The following TRPM3 variants were observed in gnomAD, a reference collection of about 807,000 sequenced individuals.
The protein encoded by TRPM3 is long transient receptor potential channel 3.
In TRPM3, 77 loss-of-function variants were observed where a neutral mutation model predicts 181.2. The observed-to-expected ratio is 0.42, with a 90% CI of 0.35 to 0.51. TRPM3 has a LOEUF of 0.51. TRPM3 is among the 20% of genes least tolerant of loss of function. The pLI is 0.01. For missense variants in TRPM3, 1,759 were observed against 2,196.7 expected, an observed-to-expected ratio of 0.80 and a Z score of 3.98; for synonymous variants, 745 against 796.4, an observed-to-expected ratio of 0.94 and a Z score of 1.09.
chr9:71,302,430 G>A lies in TRPM3; in HGVS notation c.183+144223C>T, dbSNP rs575289869. ...GAGCAATACTGAACAAAACAAATAC[G>A]CAAGATCTGCAATGCATGAGCTTAA... On this transcript the variant is annotated intron_variant, in intron 1 of 24. Transcript: ENST00000357533. 3.3e-4 allele frequency among the ~76,000 whole-genome samples: 50 copies of A among 152,204 alleles called. 1 individual carries two copies. The highest frequency in any genetic ancestry group is 1.7e-3 in the East Asian group (9 of 5,192).
In TRPM3 at chr9:70,532,393, C is replaced by G. The variant is rs1330123655; in HGVS notation, c.*3560G>C. ...ATATATATTTTAAAAGGGGAACTTT[C>G]AAAGTGCTAAATAATATCCTAGACC... On this transcript the variant is annotated 3_prime_UTR_variant, in exon 26 of 26. Transcript: ENST00000677713. 4 of 152,062 alleles carry G rather than the reference C, an allele frequency of 2.6e-5. No individual in the cohort carries two copies. The highest frequency in any genetic ancestry group is 5.9e-5 in the Non-Finnish European group (4 of 68,004). The allele number at this position is 152,062 out of a possible 1,614,324, so 9.4% of individuals were successfully genotyped here.
intron 1 of TRPM3, among the ~76,000 whole-genome samples, chr9:71,376,208 AT>A (rs2092661803): frequency 6.6e-6 from 1 of 151,954 alleles, no homozygotes; most frequent in South Asian, 2.1e-4. Context: ...ATAAAAGTCC[AT>A]TTCTTCTAAG....
At chr9:71,397,954 T>C (rs2131360911) in intron 1 of TRPM3, among the ~76,000 whole-genome samples, 1 of 152,314 alleles carries the variant, frequency 6.6e-6, no homozygotes, top group African/African-American at 2.4e-5. Context: ...TTTTGGATTG[T>C]CAACTGTAAC....
At chr9:70,916,896 G>A in intron 1 of TRPM3, 1 of 749,764 alleles carries the variant, frequency 1.3e-6, no homozygotes, top group Non-Finnish European at 2.1e-6. Context: ...CTGGCAGATG[G>A]GGAGGCAAGT....
chr9:70,817,034 T>G (rs1040623020), intron 6 of TRPM3, among the ~76,000 whole-genome samples: 12 of 152,224 alleles, frequency 7.9e-5, no homozygotes, highest in African/African-American at 2.9e-4. Context: ...ATATCTTATT[T>G]ATGAGTGGCA....
intron 1 of TRPM3, among the ~76,000 whole-genome samples, chr9:71,185,335 C>G (rs542161461): frequency 1.1e-4 from 16 of 152,246 alleles, no homozygotes; most frequent in Admixed American, 2.6e-4. Context: ...AGCATGATCC[C>G]ATCCCTTTAT....
At chr9:71,380,152 T>A (rs1165671977) in intron 1 of TRPM3, among the ~76,000 whole-genome samples, 1 of 152,082 alleles carries the variant, frequency 6.6e-6, no homozygotes, top group Non-Finnish European at 1.5e-5. Flanking sequence ...TTTTCCTCAA[T>A]GTGCAGTGGT....
intron 8 of TRPM3, among the ~76,000 whole-genome samples, chr9:70,701,099 A>G (rs1217480211): frequency 6.6e-6 from 1 of 152,214 alleles, no homozygotes; most frequent in East Asian, 1.9e-4. Context: ...TGCTCTATAA[A>G]TTTTCTAGTC....
At chr9:70,567,541 AT>A (rs1225647114) in intron 22 of TRPM3, among the ~76,000 whole-genome samples, 1 of 152,176 alleles carries the variant, frequency 6.6e-6, no homozygotes, top group African/African-American at 2.4e-5. Flanking sequence ...TGGCCATCAC[AT>A]TTTTAATAAG....
chr9:70,805,362 C>T (rs1356601194), intron 6 of TRPM3, among the ~76,000 whole-genome samples: 2 of 151,510 alleles, frequency 1.3e-5, no homozygotes, highest in African/African-American at 4.8e-5. Context: ...GGTGAGACCC[C>T]ATCTCTACTA....
intron 1 of TRPM3, among the ~76,000 whole-genome samples, chr9:71,420,805 GAGAA>G (rs1184336727): frequency 6.2e-4 from 8 of 12,996 alleles, no homozygotes; most frequent in African/African-American, 1.0e-3. Flanking sequence ...GAAAGAAAGA[GAGAA>G]AGAAAGAGAG....
intron 1 of TRPM3, among the ~76,000 whole-genome samples, chr9:71,306,417 T>C (rs1196287141): frequency 1.3e-5 from 2 of 152,198 alleles, no homozygotes; most frequent in Admixed American, 6.5e-5. Flanking sequence ...CATTTCCTCC[T>C]CTTGGTTTAA....
At position 71,145,079 on chromosome 9, in the gene TRPM3, GTAAA is replaced by G. The variant is rs1243653111; in HGVS notation, c.184-280572_184-280569del. Reference sequence around the variant, plus strand: ...CTAATAGTCCAACAAAAACTTGACAGTAAATAACAAATTATGAAATGTTTTGAAT... The same window carrying G: ...CTAATAGTCCAACAAAAACTTGACAGTAACAAATTATGAAATGTTTTGAAT... On this transcript the variant is annotated intron_variant, in intron 1 of 24. Transcript: ENST00000357533. Among the ~76,000 whole-genome samples the G allele has an allele frequency of 5.3e-5, 8 of 152,046 alleles. No individual in the cohort carries two copies. In the East Asian group the frequency reaches 9.7e-4, roughly 18 times the overall value.
intron 3 of TRPM3, among the ~76,000 whole-genome samples, chr9:70,855,791 A>G (rs1411835746): frequency 2.0e-5 from 3 of 152,194 alleles, no homozygotes; most frequent in African/African-American, 7.2e-5. Flanking sequence ...CTACTAAGGC[A>G]ATTTTGCTAA....
chr9:70,819,728 T>C (rs1433759716), intron 6 of TRPM3, among the ~76,000 whole-genome samples: 1 of 152,228 alleles, frequency 6.6e-6, no homozygotes, highest in African/African-American at 2.4e-5. Context: ...GACATAGATT[T>C]CACTTTCAAG....
At chr9:70,770,658 T>C (rs1233180190) in intron 7 of TRPM3, among the ~76,000 whole-genome samples, 1 of 152,232 alleles carries the variant, frequency 6.6e-6, no homozygotes, top group Non-Finnish European at 1.5e-5. Context: ...ACAGGTTATT[T>C]GATCTCTTTA....
chr9:71,146,330 C>T (rs1171223005), intron 1 of TRPM3, among the ~76,000 whole-genome samples: 1 of 152,096 alleles, frequency 6.6e-6, no homozygotes, highest in East Asian at 1.9e-4. Context: ...CTATACATTC[C>T]AGAAGCTCCC....
chr9:71,377,001 A>G (rs2132843083), intron 1 of TRPM3, among the ~76,000 whole-genome samples: 1 of 152,258 alleles, frequency 6.6e-6, no homozygotes, highest in African/African-American at 2.4e-5. Flanking sequence ...GCCACCAATT[A>G]TTACATAGCT....
chr9:71,330,235 A>T (rs1047676876), intron 1 of TRPM3, among the ~76,000 whole-genome samples: 1 of 151,852 alleles, frequency 6.6e-6, no homozygotes, highest in Non-Finnish European at 1.5e-5. Context: ...TCTGTGAAAA[A>T]CTAGATTGCA....
Sources: gnomAD v4.1 joint callset for allele counts (sites outside exome capture counted in the v4.1 genomes callset) on GRCh38, gnomAD v4.1.1 for gene constraint, MANE v1.5 for transcripts, NCBI Gene and HGNC (gene_info 2026-07-23, HGNC 2026-07-21) for gene names.